Variants in ATP8B4 observed in about 807,000 individuals in gnomAD.
ATP8B4 encodes ATPase phospholipid transporting 8B4 (putative).
ATP8B4 carries 133 observed loss-of-function variants against 145.6 expected under a neutral mutation model. The observed-to-expected ratio is 0.91, with a 90% CI of 0.79 to 1.05. The LOEUF (loss-of-function observed/expected upper bound fraction) is 1.05, where lower values mean the gene tolerates loss of function less well. Ranked by LOEUF, ATP8B4 falls within the 50% of genes least tolerant of loss-of-function variation. The pLI, the probability that ATP8B4 is intolerant of heterozygous loss-of-function variation, is 0.00. For missense variants in ATP8B4, 1,458 were observed against 1,425.2 expected, an observed-to-expected ratio of 1.02 and a Z score of -0.37; for synonymous variants, 507 against 492.9, an observed-to-expected ratio of 1.03 and a Z score of -0.38.
chr15:49,979,809 A>G lies in ATP8B4; in HGVS notation c.842T>C (p.Phe281Ser). ...RLMNTLVLWI[F>S]GFLICLGIIL... is the part of the protein sequence containing the mutation. ...AATTCCCAAGCATATCAGAAACCCA[A>G]AAATCTGAAATAAGATAGAAGTGTG... The change falls in exon 12 of 28, where the codon TTT (phenylalanine) becomes TCT (serine). Residue 281 changes from phenylalanine to serine, a missense_variant. Coordinates refer to ENST00000284509, the MANE Select transcript of ATP8B4 (RefSeq NM_024837.4). The G allele has an allele frequency of 6.3e-7, 1 of 1,576,868 alleles. No individual in the cohort carries two copies. The highest frequency in any genetic ancestry group is 8.7e-7 in the Non-Finnish European group (1 of 1,155,844).
At chr15:50,174,501 C>T (rs937993849) in intron 1 of ATP8B4, among the ~76,000 whole-genome samples, 14 of 150,344 alleles carry the variant, frequency 9.3e-5, no homozygotes, top group African/African-American at 2.2e-4. Flanking sequence ...ATACCAACAA[C>T]GACCAAGCAG....
intron 1 of ATP8B4, among the ~76,000 whole-genome samples, chr15:50,155,003 G>C (rs1178077153): frequency 6.6e-6 from 1 of 151,974 alleles, no homozygotes; most frequent in Non-Finnish European, 1.5e-5. Flanking sequence ...TTACATGAAA[G>C]CTCACTTATA....
chr15:49,966,282 C>T (rs2044530289), intron 13 of ATP8B4, among the ~76,000 whole-genome samples: 1 of 152,200 alleles, frequency 6.6e-6, no homozygotes, highest in Non-Finnish European at 1.5e-5. Flanking sequence ...CCATTCACAC[C>T]CCTGGAAAGG....
At chr15:50,038,871 AC>A in intron 5 of ATP8B4, 42 bp from the exon 6 acceptor site, 1 of 1,557,376 alleles carries the variant, frequency 6.4e-7, no homozygotes, top group Non-Finnish European at 8.9e-7. Context: ...ATTACAAGGT[AC>A]TTTGTCAGCC....
chr15:50,056,842 A>T (rs1203804566), intron 3 of ATP8B4, among the ~76,000 whole-genome samples: 1 of 151,856 alleles, frequency 6.6e-6, no homozygotes, highest in Non-Finnish European at 1.5e-5. Context: ...CAGTAAAGAC[A>T]ATCTATGCAT....
rs184841677 is a variant in ATP8B4 at position 50,033,112 on chromosome 15, G to A, written c.362+5656C>T. Reference sequence around the variant, plus strand: ...TCTAGAAACACCAGACTTGGAAAGTGCAGAGACAATACTCTACAGTAGTAA... The same window carrying A: ...TCTAGAAACACCAGACTTGGAAAGTACAGAGACAATACTCTACAGTAGTAA... On this transcript the variant is annotated intron_variant, in intron 6 of 27. Coordinates refer to ENST00000284509, the MANE Select transcript of ATP8B4 (RefSeq NM_024837.4). Among the ~76,000 whole-genome samples the A allele has an allele frequency of 4.0e-4, 61 of 152,308 alleles. 2 individuals carry two copies. The East Asian group carries it at 0.011, about 26-fold the overall frequency.
At chr15:50,079,870 A>T (rs1198490248) in intron 2 of ATP8B4, among the ~76,000 whole-genome samples, 2 of 152,236 alleles carry the variant, frequency 1.3e-5, no homozygotes, top group Non-Finnish European at 2.9e-5. Context: ...ACATACCTGG[A>T]ATGCTGCTAC....
chr15:49,910,157 A>C (rs776270975), intron 20 of ATP8B4, among the ~76,000 whole-genome samples: 6 of 152,214 alleles, frequency 3.9e-5, no homozygotes, highest in Non-Finnish European at 7.3e-5. Flanking sequence ...TATCATAACG[A>C]AGAACCAAAC....
chr15:50,115,110 G>A (rs2057125279), intron 1 of ATP8B4, among the ~76,000 whole-genome samples: 2 of 152,154 alleles, frequency 1.3e-5, no homozygotes, highest in South Asian at 4.1e-4. Flanking sequence ...GTGGGCAGAT[G>A]CCCTCTATCT....
chr15:49,889,015 T>C (rs934119231), intron 23 of ATP8B4, among the ~76,000 whole-genome samples: 2 of 152,068 alleles, frequency 1.3e-5, no homozygotes, highest in Admixed American at 1.3e-4. Flanking sequence ...TTCCTCCACA[T>C]AGTCATATTG....
chr15:49,925,464 T>A (rs2153459388), intron 16 of ATP8B4, among the ~76,000 whole-genome samples: 1 of 152,252 alleles, frequency 6.6e-6, no homozygotes. Flanking sequence ...ATAATGAAAA[T>A]ACTTTTGTCC....
At chr15:50,132,549 T>C (rs1181902942) in intron 1 of ATP8B4, among the ~76,000 whole-genome samples, 2 of 152,204 alleles carry the variant, frequency 1.3e-5, no homozygotes, top group African/African-American at 4.8e-5. Context: ...AAAGACAGTG[T>C]GGCAATTCCT....
At chr15:49,890,608 T>C (rs1393272575) in intron 23 of ATP8B4, among the ~76,000 whole-genome samples, 1 of 152,208 alleles carries the variant, frequency 6.6e-6, no homozygotes, top group Non-Finnish European at 1.5e-5. Flanking sequence ...CTGTCCCCCA[T>C]TCAAAAATTC....
intron 12 of ATP8B4, among the ~76,000 whole-genome samples, chr15:49,977,724 A>G (rs1310022478): frequency 3.3e-5 from 5 of 152,196 alleles, no homozygotes; most frequent in Admixed American, 2.0e-4. Context: ...GAACATTATA[A>G]GAAAGAATGC....
intron 23 of ATP8B4, among the ~76,000 whole-genome samples, chr15:49,891,594 A>G (rs983259710): frequency 6.6e-6 from 1 of 152,108 alleles, no homozygotes; most frequent in African/African-American, 2.4e-5. Flanking sequence ...CCAAAGTGCT[A>G]GGATTGCAGG....
chr15:50,020,337 T>C (rs2049450085), intron 6 of ATP8B4, among the ~76,000 whole-genome samples: 1 of 150,814 alleles, frequency 6.6e-6, no homozygotes, highest in East Asian at 2.0e-4. Context: ...TGGCACAGTC[T>C]CGGCTCACTG....
In ATP8B4 at chr15:49,933,958, A is replaced by C. The variant is rs1268413368; in HGVS notation, c.1453+59T>G. 2.8e-6 allele frequency: 4 copies of C among 1,442,280 alleles called. No individual in the cohort carries two copies. The African/African-American group carries it at 5.8e-5, about 21-fold the overall frequency. The allele number at this position is 1,442,280 out of a possible 1,614,324, so 89.3% of individuals were successfully genotyped here. On this transcript the variant is annotated intron_variant, in intron 15 of 27. Coordinates refer to ENST00000284509, the MANE Select transcript of ATP8B4 (RefSeq NM_024837.4). ...TTGTAAATCCTTCAAATTTAGTGTCAGTTTCAATTTTAAAAAACAAAAACA... is the reference window on the plus strand; with the variant it reads ...TTGTAAATCCTTCAAATTTAGTGTCCGTTTCAATTTTAAAAAACAAAAACA...
rs142334062 is a variant in ATP8B4, at chr15:49,860,471, C to T, written c.3302G>A (p.Arg1101His). ...CTTCTTTTGAGCCTTCTGCCACCGG[C>T]GGATCTGGAGAGAAACAGACCCAAA... ...DLYPTLSDQI[R>H]RWQKAQKKAR... The change falls in exon 28 of 28, where the codon CGC becomes CAC. Residue 1101 changes from arginine to histidine, a missense_variant. Arg to His is a conservative substitution (Grantham distance 29). Transcript: ENST00000284509. 1.7e-5 allele frequency: 28 copies of T among 1,608,268 alleles called. No individual in the cohort carries two copies. The highest frequency in any genetic ancestry group is 8.9e-5 in the East Asian group (4 of 44,836).
At chr15:50,174,534 C>A (rs2044734540) in intron 1 of ATP8B4, among the ~76,000 whole-genome samples, 1 of 150,496 alleles carries the variant, frequency 6.6e-6, no homozygotes, top group Admixed American at 6.6e-5. Flanking sequence ...AGCACTCGAT[C>A]CCTTTTACAA....
Sources: gnomAD v4.1 joint callset for allele counts (sites outside exome capture counted in the v4.1 genomes callset) on GRCh38, gnomAD v4.1.1 for gene constraint, MANE v1.5 for transcripts, NCBI Gene and HGNC (gene_info 2026-07-23, HGNC 2026-07-21) for gene names.